Variants in AHI1 observed in about 807,000 individuals in gnomAD.
AHI1 encodes the protein Abelson helper integration site 1, also known as jouberin.
In AHI1, 123 loss-of-function variants were observed where a neutral mutation model predicts 149.3. That is an observed-to-expected ratio of 0.82 (90% CI 0.71 to 0.96). AHI1 has a LOEUF of 0.96. Ranked by LOEUF, AHI1 falls within the 40% of genes least tolerant of loss-of-function variation. The probability of loss-of-function intolerance (pLI) is 0.00; values close to 1 mark genes in which losing one functional copy is unlikely to be tolerated. For missense variants in AHI1, 1,439 were observed against 1,422.7 expected (o/e 1.01, Z -0.18); for synonymous variants, 475 against 459.8 (o/e 1.03, Z -0.42).
Position 135,442,619 on chromosome 6 carries a change from T to C in AHI1, c.1875A>G (p.Ala625=), listed in dbSNP as rs1310625719. The C allele has an allele frequency of 6.2e-7, 1 of 1,609,880 alleles. No homozygotes were observed. Residue 625 remains alanine (A), a synonymous_variant, in exon 14 of 29, where the codon GCA becomes GCG. Coordinates refer to ENST00000265602, the MANE Select transcript of AHI1 (RefSeq NM_001134831.2). ...ATCCATCCCGGCTGGCACAAGCTGC[T>C]GCTAATATTCTTCCATTGTGGGAGA... ...LDFSHNGRIL[A]AACASRDGYP...
At chr6:135,317,877 G>A (rs1786215998) in intron 26 of AHI1, among the ~76,000 whole-genome samples, 1 of 152,162 alleles carries the variant, frequency 6.6e-6, no homozygotes, top group Non-Finnish European at 1.5e-5. Context: ...TCAGTGTAAG[G>A]GAAGAGCTAA....
chr6:135,302,754 C>G (rs1784037279), intron 26 of AHI1: 1 of 1,287,754 alleles, frequency 7.8e-7, no homozygotes, highest in Non-Finnish European at 1.0e-6. Context: ...TAGGTAGTTA[C>G]TCATGGAGGC....
At chr6:135,484,377 AC>A (rs1300640184) in intron 5 of AHI1, among the ~76,000 whole-genome samples, 4 of 152,126 alleles carry the variant, frequency 2.6e-5, no homozygotes, top group African/African-American at 9.7e-5. Flanking sequence ...ACTTTTAAAT[AC>A]CTTTTTGATA....
intron 20 of AHI1, among the ~76,000 whole-genome samples, chr6:135,420,018 A>T (rs546001384): frequency 1.3e-5 from 2 of 152,128 alleles, no homozygotes; most frequent in African/African-American, 4.8e-5. Context: ...CAACTCATCC[A>T]TTCTAGTTTA....
At chr6:135,325,954 A>C (rs1462729203) in intron 24 of AHI1, among the ~76,000 whole-genome samples, 1 of 152,150 alleles carries the variant, frequency 6.6e-6, no homozygotes, top group Non-Finnish European at 1.5e-5. Context: ...ATTTTCCTGA[A>C]TTTTACACAC....
intron 21 of AHI1, among the ~76,000 whole-genome samples, chr6:135,410,323 T>C (rs1432515898): frequency 1.3e-5 from 2 of 152,152 alleles, no homozygotes; most frequent in Non-Finnish European, 2.9e-5. Context: ...TGAGCAATGA[T>C]CACACCACTG....
intron 20 of AHI1, among the ~76,000 whole-genome samples, chr6:135,413,514 T>C (rs1344074106): frequency 6.6e-6 from 1 of 151,404 alleles, no homozygotes; most frequent in Non-Finnish European, 1.5e-5. Flanking sequence ...CATGATTGTC[T>C]AGGTAGAGCT....
intron 23 of AHI1, among the ~76,000 whole-genome samples, chr6:135,368,964 A>C (rs1774618426): frequency 6.6e-6 from 1 of 152,118 alleles, no homozygotes. Flanking sequence ...ATTGTTACAG[A>C]CTTCAGCTAG....
In AHI1 at chr6:135,339,045, A is replaced by G. The variant is rs185536023; in HGVS notation, c.3166-15721T>C. Among the ~76,000 whole-genome samples, 382 of 151,762 alleles carry G rather than the reference A, an allele frequency of 2.5e-3. 5 individuals carry two copies. Among genetic ancestry groups the G allele is most frequent in the African/African-American group, 8.5e-3 (350 of 41,368 alleles). ...CGGGTTCAAGTGATCCTCCTGCCTC[A>G]GCCTCCCAAGTAGCTGGGATTACAG... is the stretch of plus-strand genomic sequence containing the variant. On this transcript the variant is annotated intron_variant, in intron 24 of 28. Coordinates refer to ENST00000265602, the MANE Select transcript of AHI1 (RefSeq NM_001134831.2).
At chr6:135,323,127 A>G (rs886181540) in intron 25 of AHI1, 35 bp downstream of exon 25, 1 of 1,576,546 alleles carries the variant, frequency 6.3e-7, no homozygotes, top group African/African-American at 1.3e-5. Flanking sequence ...CAGTTATACC[A>G]TACTAGTAAA....
chr6:135,418,260 G>C (rs968006136), intron 20 of AHI1, among the ~76,000 whole-genome samples: 2 of 152,038 alleles, frequency 1.3e-5, no homozygotes, highest in African/African-American at 2.4e-5. Context: ...ATTACTGCAA[G>C]GTGCTAAGTG....
intron 22 of AHI1, among the ~76,000 whole-genome samples, chr6:135,402,530 G>A (rs1027578909): frequency 6.6e-6 from 1 of 152,040 alleles, no homozygotes; most frequent in Admixed American, 6.6e-5. Context: ...AGTTTGAACT[G>A]TGCAGGTCCA....
chr6:135,380,083 A>C (rs1259061167), intron 23 of AHI1, among the ~76,000 whole-genome samples: 6 of 147,340 alleles, frequency 4.1e-5, no homozygotes, highest in Admixed American at 3.5e-4. Context: ...AATTTTGCTT[A>C]ATTCTCAGCT....
At position 135,442,465 on chromosome 6, in the gene AHI1, CTTTAA is replaced by C. The variant is rs1786457498; in HGVS notation, c.1912+112_1912+116del. On this transcript the variant is annotated intron_variant, in intron 14 of 28. Coordinates refer to ENST00000265602, the MANE Select transcript of AHI1 (RefSeq NM_001134831.2). ...TTCTTTGTTTGAAGAAATCCGTTTT[CTTTAA>C]TTTAGTAGTACAGGGGATTACTCAA... is the stretch of plus-strand genomic sequence containing the variant. The C allele has an allele frequency of 1.3e-5, 14 of 1,108,832 alleles. No homozygotes were observed. The Admixed American group carries it at 4.3e-4, about 34-fold the overall frequency. 68.7% of individuals were successfully genotyped at this position (1,108,832 alleles called of 1,614,324 possible). A position where few individuals can be genotyped will look rare whatever the true frequency, so the allele number is the denominator to read the frequency against.
chr6:135,480,871 AC>A (rs1793513286), intron 5 of AHI1, among the ~76,000 whole-genome samples: 2 of 152,138 alleles, frequency 1.3e-5, no homozygotes, highest in South Asian at 2.1e-4. Flanking sequence ...AGGAGCAACA[AC>A]CCTATTACAA....
intron 27 of AHI1, among the ~76,000 whole-genome samples, chr6:135,294,698 C>CAAAAAAAAAAAAAAAAAAAAAAAAAGA (rs56734547): frequency 4.4e-5 from 3 of 68,018 alleles, no homozygotes; most frequent in Non-Finnish European, 6.0e-5. Flanking sequence ...TCTCCAAATG[C>CAAAAAAAAAAAAAAAAAAAAAAAAAGA]AAAAAAAAAA....
At chr6:135,353,442 T>A (rs945352000) in intron 24 of AHI1, among the ~76,000 whole-genome samples, 3 of 152,116 alleles carry the variant, frequency 2.0e-5, no homozygotes, top group Non-Finnish European at 4.4e-5. Flanking sequence ...ATAAAGTGCT[T>A]CCTTTGAATA....
intron 24 of AHI1, among the ~76,000 whole-genome samples, chr6:135,329,774 A>T (rs1788259127): frequency 6.6e-6 from 1 of 152,234 alleles, no homozygotes; most frequent in Non-Finnish European, 1.5e-5. Context: ...CCTTCTGGAA[A>T]GGATGCACTA....
intron 24 of AHI1, among the ~76,000 whole-genome samples, chr6:135,327,307 C>G (rs184924705): frequency 6.6e-6 from 1 of 152,128 alleles, no homozygotes; most frequent in Non-Finnish European, 1.5e-5. Context: ...CTTACAGAAC[C>G]GTTTTCCACA....
Sources: gnomAD v4.1 joint callset for allele counts (sites outside exome capture counted in the v4.1 genomes callset) on GRCh38, gnomAD v4.1.1 for gene constraint, MANE v1.5 for transcripts, NCBI Gene and HGNC (gene_info 2026-07-23, HGNC 2026-07-21) for gene names.